The following HOXA2 variants were observed in gnomAD, a reference collection of about 807,000 sequenced individuals.
HOXA2 encodes homeobox protein Hox-A2.
A neutral mutation model predicts 27.2 loss-of-function variants in HOXA2; 4 were observed. The ratio of observed to expected loss-of-function variants is 0.15; its 90% CI spans 0.07 to 0.34. HOXA2 has a LOEUF of 0.34. HOXA2 is among the 10% of genes least tolerant of loss of function. The pLI is 1.00. For missense variants in HOXA2, 430 were observed against 473.2 expected (o/e 0.91, Z 0.85); for synonymous variants, 200 against 202.8 (o/e 0.99, Z 0.12).
rs1783947544 is a variant in HOXA2, at chr7:27,102,527, G to T, written c.-27C>A. 6.2e-7 allele frequency: 1 copy of T among 1,611,152 alleles called. No individual in the cohort carries two copies. Among genetic ancestry groups the T allele is most frequent in the Admixed American group, 1.7e-5 (1 of 60,002 alleles). The stretch of plus-strand genomic sequence containing the variant: ...GCCTTCTCCTTGGAGCCCCCTCAGA[G>T]AAAAAGTTCCCTCTTTTGGAGGGGC... On this transcript the variant is annotated 5_prime_UTR_variant, in exon 1 of 2. Transcript: ENST00000222718. The surrounding 1 kb of genome is among the most constrained non-coding windows in gnomAD (Gnocchi z 4.6).
Position 27,101,165 on chromosome 7 carries a change from G to A in HOXA2, c.692C>T (p.Thr231Met), listed in dbSNP as rs991740115. Residue 231 changes from threonine (T) to methionine (M), a missense_variant, in exon 2 of 2, where the codon ACG (threonine) becomes ATG (methionine). This residue lies in a region of HOXA2 where 236 missense variants were observed against 208.5 expected (regional missense o/e 1.13). Transcript: ENST00000222718. ...EKVEEDEEEK[T>M]LFEQALSVSG... is the part of the protein sequence containing the mutation. ...GACGCTAAGGGCTTGCTCAAAGAGC[G>A]TCTTCTCTTCCTCGTCCTCCTCTAC... 6.8e-6 allele frequency: 11 copies of A among 1,614,026 alleles called. No homozygotes were observed. Among genetic ancestry groups the A allele is most frequent in the Admixed American group, 1.7e-5 (1 of 60,004 alleles).
chr7:27,102,507 C>T lies in HOXA2; in HGVS notation c.-7G>A, dbSNP rs780961239. The T allele has an allele frequency of 1.2e-6, 2 of 1,613,214 alleles. No individual in the cohort carries two copies. The highest frequency in any genetic ancestry group is 1.1e-5 in the South Asian group (1 of 91,084). Reference sequence around the variant, plus strand: ...GCTCAAATTCGTAATTCATGGCCTTCTCCTTGGAGCCCCCTCAGAGAAAAA... The same window carrying T: ...GCTCAAATTCGTAATTCATGGCCTTTTCCTTGGAGCCCCCTCAGAGAAAAA... On this transcript the variant is annotated 5_prime_UTR_variant, in exon 1 of 2. Coordinates refer to ENST00000222718, the MANE Select transcript of HOXA2 (RefSeq NM_006735.4). This position sits in a 1 kb window ranked among gnomAD's most constrained non-coding sequence, Gnocchi z 4.6.
chr7:27,100,982 G>A lies in HOXA2; in HGVS notation c.875C>T (p.Pro292Leu). ...KNLKHFQHQS[P>L]TVPNCLSTMG... Reference sequence around the variant, plus strand: ...TGTTGACAAGCAGTTGGGAACAGTGGGTGACTGGTGCTGAAAATGTTTCAG... The same window carrying A: ...TGTTGACAAGCAGTTGGGAACAGTGAGTGACTGGTGCTGAAAATGTTTCAG... The change falls in exon 2 of 2, where the codon CCC (proline) becomes CTC (leucine). Residue 292 changes from proline to leucine, a missense_variant. Around this residue, in one of 4 missense-constraint regions of HOXA2, gnomAD observed 236 missense variants for 208.5 expected, o/e 1.13. Transcript: ENST00000222718. The A allele has an allele frequency of 1.9e-6, 3 of 1,614,206 alleles. No homozygotes were observed. The highest frequency in any genetic ancestry group is 2.5e-6 in the Non-Finnish European group (3 of 1,180,038).
chr7:27,100,657 TAAA>T lies in HOXA2; in HGVS notation c.*66_*68del, dbSNP rs1322472966. ...AGAAAATAAAAAATAAACTCCCAAA[TAAA>T]AGAAGGCAAAACCACCTGGTCAAAG... On this transcript the variant is annotated 3_prime_UTR_variant, in exon 2 of 2. Transcript: ENST00000222718. The T allele has an allele frequency of 6.4e-7, 1 of 1,556,542 alleles. No homozygotes were observed. Among genetic ancestry groups the T allele is most frequent in the African/African-American group, 1.4e-5 (1 of 73,236 alleles).
chr7:27,102,114 G>A lies in HOXA2; in HGVS notation c.387C>T (p.His129=). The change falls in exon 1 of 2, where the codon CAC becomes CAT. Residue 129 remains histidine (H), a synonymous_variant. Transcript: ENST00000222718. This position sits in a 1 kb window ranked among gnomAD's most constrained non-coding sequence, Gnocchi z 4.6. The part of the protein sequence containing the change: ...AAATGPACLS[H]KESLEIADGS... ...GGGCCAAGTCTTTGGACTGACCTTT[G>A]TGGCTGAGGCAAGCAGGGCCGGTGG... 1.9e-6 allele frequency: 3 copies of A among 1,606,352 alleles called. No homozygotes were observed. The highest frequency in any genetic ancestry group is 2.5e-6 in the Non-Finnish European group (3 of 1,177,180).
chr7:27,101,496 C>G (rs1783925672), intron 1 of HOXA2, 31 bp from the exon 2 acceptor site: 1 of 1,598,432 alleles, frequency 6.3e-7, no homozygotes, highest in South Asian at 1.1e-5. Context: ...AAGAGACACA[C>G]GCACAGTTGG....
chr7:27,100,676 CT>C lies in HOXA2; in HGVS notation c.*49del, dbSNP rs768069349. On this transcript the variant is annotated 3_prime_UTR_variant, in exon 2 of 2. Transcript: ENST00000222718. ...CCCAAATAAAAGAAGGCAAAACCAC[CT>C]GGTCAAAGGAGTTTTTGTTTGGTGA... The C allele has an allele frequency of 2.5e-6, 4 of 1,606,490 alleles. No individual in the cohort carries two copies. In the South Asian group the frequency reaches 3.3e-5, roughly 13 times the overall value.
Position 27,102,251 on chromosome 7 carries a change from G to A in HOXA2, c.250C>T (p.Pro84Ser). 6.7e-7 allele frequency: 1 copy of A among 1,500,696 alleles called. No homozygotes were observed. 93.0% of individuals were successfully genotyped at this position (1,500,696 alleles called of 1,614,324 possible). A position where few individuals can be genotyped will look rare whatever the true frequency, so the allele number is the denominator to read the frequency against. Residue 84 changes from proline to serine, a missense_variant, in exon 1 of 2, where the codon CCG becomes TCG. This residue lies in a region of HOXA2 where 166 missense variants were observed against 207.6 expected (regional missense o/e 0.80). Coordinates refer to ENST00000222718, the MANE Select transcript of HOXA2 (RefSeq NM_006735.4). The surrounding 1 kb of genome is among the most constrained non-coding windows in gnomAD (Gnocchi z 4.6). ...GGCTGCAGGGCGCCGGCGGGCACCGGGCTGCCGCGGCTGCCCGCGGGGCTC... is the reference window on the plus strand; with the variant it reads ...GGCTGCAGGGCGCCGGCGGGCACCGAGCTGCCGCGGCTGCCCGCGGGGCTC... ...KPSPAGSRGS[P>S]VPAGALQPPE...
Position 27,100,937 on chromosome 7 carries a change from G to C in HOXA2, c.920C>G (p.Ala307Gly), listed in dbSNP as rs1783915096. ...CTCAGGACTGTCATTGTTTAGGCCA[G>C]CTCCACAGTTCTGGCCCATTGTTGA... Reference protein sequence around the residue: ...CLSTMGQNCGAGLNNDSPEAL... With the variant: ...CLSTMGQNCGGGLNNDSPEAL... Residue 307 changes from alanine (A) to glycine (G), a missense_variant, in exon 2 of 2, where the codon GCT becomes GGT. By Grantham distance (60) the Ala-to-Gly change is moderately conservative (BLOSUM62 0). Coordinates refer to ENST00000222718, the MANE Select transcript of HOXA2 (RefSeq NM_006735.4). 2 of 1,614,088 alleles carry C rather than the reference G, an allele frequency of 1.2e-6. No homozygotes were observed. Among genetic ancestry groups the C allele is most frequent in the Admixed American group, 1.7e-5 (1 of 60,012 alleles).
chr7:27,102,413 C>T lies in HOXA2; in HGVS notation c.88G>A (p.Asp30Asn), dbSNP rs1391121068. Reference sequence around the variant, plus strand: ...TTGATTGATGAACTTTGAAATGTATCAGCGACAGGGGGAAAAGATGTCAGG... The same window carrying T: ...TTGATTGATGAACTTTGAAATGTATTAGCGACAGGGGGAAAAGATGTCAGG... The part of the protein sequence containing the change: ...ECLTSFPPVA[D>N]TFQSSSIKTS... The change falls in exon 1 of 2, where the codon GAT (aspartate) becomes AAT (asparagine). Residue 30 changes from aspartate (D) to asparagine (N), a missense_variant. Asp to Asn is a conservative substitution (Grantham distance 23). This residue lies in a region of HOXA2 where 166 missense variants were observed against 207.6 expected (regional missense o/e 0.80). Transcript: ENST00000222718. The surrounding 1 kb of genome is among the most constrained non-coding windows in gnomAD (Gnocchi z 4.6). 1.9e-6 allele frequency: 3 copies of T among 1,614,140 alleles called. No individual in the cohort carries two copies. In the South Asian group the frequency reaches 3.3e-5, roughly 18 times the overall value.
In HOXA2 at chr7:27,102,050, CG is replaced by C; in HGVS notation, c.391+59del. 6.3e-7 allele frequency: 1 copy of C among 1,595,902 alleles called. No homozygotes were observed. The highest frequency in any genetic ancestry group is 8.5e-7 in the Non-Finnish European group (1 of 1,173,600). On this transcript the variant is annotated intron_variant, in intron 1 of 1. Coordinates refer to ENST00000222718, the MANE Select transcript of HOXA2 (RefSeq NM_006735.4). This position sits in a 1 kb window ranked among gnomAD's most constrained non-coding sequence, Gnocchi z 4.6. Reference sequence around the variant, plus strand: ...TCTCCCCTCCCCCCACAGCCACTCTCGGGGCAGCCCGGAGAAGGAAGAGGGT... The same window carrying C: ...TCTCCCCTCCCCCCACAGCCACTCTCGGGCAGCCCGGAGAAGGAAGAGGGT...
At position 27,102,290 on chromosome 7, in the gene HOXA2, C is replaced by G; in HGVS notation, c.211G>C (p.Gly71Arg). Reference protein sequence around the residue: ...PGSHPRHGAGGRPKPSPAGSR... With the variant: ...PGSHPRHGAGRRPKPSPAGSR... ...CCCGCGGGGCTCGGCTTGGGGCGGC[C>G]GCCAGCGCCGTGGCGAGGGTGACTG... Residue 71 changes from glycine to arginine, a missense_variant, in exon 1 of 2, where the codon GGC (glycine) becomes CGC (arginine). Physicochemically the swap from Gly to Arg is moderately radical, Grantham distance 125. This residue lies in a region of HOXA2 where 166 missense variants were observed against 207.6 expected (regional missense o/e 0.80). Coordinates refer to ENST00000222718, the MANE Select transcript of HOXA2 (RefSeq NM_006735.4). The surrounding 1 kb of genome is among the most constrained non-coding windows in gnomAD (Gnocchi z 4.6). 3 of 1,604,036 alleles carry G rather than the reference C, an allele frequency of 1.9e-6. No individual in the cohort carries two copies. Among genetic ancestry groups the G allele is most frequent in the Non-Finnish European group, 2.6e-6 (3 of 1,175,198 alleles).
At chr7:27,101,914 T>C (rs1783934088) in intron 1 of HOXA2, 196 bp downstream of exon 1, 1 of 774,554 alleles carries the variant, frequency 1.3e-6, no homozygotes, top group Non-Finnish European at 2.2e-6. Context: ...ATATGTCTCA[T>C]TGTAGAGCGC....
intron 1 of HOXA2, chr7:27,101,900 A>G: frequency 1.3e-6 from 1 of 758,366 alleles, no homozygotes; most frequent in South Asian, 1.5e-5. Context: ...CTTCCTAAAA[A>G]TATATATGTC....
Position 27,101,336 on chromosome 7 carries a change from A to G in HOXA2, c.521T>C (p.Val174Ala), listed in dbSNP as rs776638973. 1 of 1,612,754 alleles carries G rather than the reference A, an allele frequency of 6.2e-7. No homozygotes were observed. Among genetic ancestry groups the G allele is most frequent in the Non-Finnish European group, 8.5e-7 (1 of 1,179,704 alleles). Residue 174 changes from valine (V) to alanine (A), a missense_variant, in exon 2 of 2, where the codon GTG becomes GCG. Around this residue, in one of 4 missense-constraint regions of HOXA2, gnomAD observed 26 missense variants for 41.0 expected, o/e 0.63. Coordinates refer to ENST00000222718, the MANE Select transcript of HOXA2 (RefSeq NM_006735.4). ...FNKYLCRPRR[V>A]EIAALLDLTE... ...CAAATCCAGCAGCGCTGCAATCTCC[A>G]CCCTTCGGGGTCTGCAAAGGTACTT... is the stretch of plus-strand genomic sequence containing the variant.
rs1783920667 is a variant in HOXA2, at chr7:27,101,209, G to T, written c.648C>A (p.Ser216Arg). The T allele has an allele frequency of 6.2e-6, 10 of 1,614,010 alleles. No individual in the cohort carries two copies. The East Asian group carries it at 1.6e-4, about 25-fold the overall frequency. ...CCTCTACTTTCTCGGAGTCCTCAAGGCTTTTACATTTCCCTTCGCTGTTTT... is the reference window on the plus strand; with the variant it reads ...CCTCTACTTTCTCGGAGTCCTCAAGTCTTTTACATTTCCCTTCGCTGTTTT... ...ENQNSEGKCKSLEDSEKVEED... is the reference protein window; with the variant it reads ...ENQNSEGKCKRLEDSEKVEED... Residue 216 changes from serine (S) to arginine (R), a missense_variant, in exon 2 of 2, where the codon AGC becomes AGA. By Grantham distance (110) the Ser-to-Arg change is moderately radical. This residue lies in a region of HOXA2 where 236 missense variants were observed against 208.5 expected (regional missense o/e 1.13). Transcript: ENST00000222718.
Position 27,101,303 on chromosome 7 carries a change from C to T in HOXA2, c.554G>A (p.Arg185Lys), listed in dbSNP as rs748564970. Residue 185 changes from arginine to lysine, a missense_variant, in exon 2 of 2, where the codon AGA becomes AAA. Arg to Lys is a conservative substitution (Grantham distance 26). Coordinates refer to ENST00000222718, the MANE Select transcript of HOXA2 (RefSeq NM_006735.4). ...EIAALLDLTERQVKVWFQNRR... is the reference protein window; with the variant it reads ...EIAALLDLTEKQVKVWFQNRR... The stretch of plus-strand genomic sequence containing the variant: ...GTTCTGAAACCACACTTTCACTTGT[C>T]TCTCAGTCAAATCCAGCAGCGCTGC... 2 of 1,614,210 alleles carry T rather than the reference C, an allele frequency of 1.2e-6. No individual in the cohort carries two copies. The highest frequency in any genetic ancestry group is 1.7e-6 in the Non-Finnish European group (2 of 1,180,044).
In HOXA2 at chr7:27,100,641, AAAAT is replaced by A; in HGVS notation, c.*81_*84del. On this transcript the variant is annotated 3_prime_UTR_variant, in exon 2 of 2. Coordinates refer to ENST00000222718, the MANE Select transcript of HOXA2 (RefSeq NM_006735.4). ...AAGGGGTAGGTCAAGAAGAAAATAAAAAATAAACTCCCAAATAAAAGAAGGCAAA... is the reference window on the plus strand; with the variant it reads ...AAGGGGTAGGTCAAGAAGAAAATAAAAAACTCCCAAATAAAAGAAGGCAAA... 8 of 1,478,668 alleles carry A rather than the reference AAAAT, an allele frequency of 5.4e-6. No individual in the cohort carries two copies. The highest frequency in any genetic ancestry group is 1.2e-5 in the South Asian group (1 of 86,002). 91.6% of individuals were successfully genotyped at this position (1,478,668 alleles called of 1,614,324 possible). A position where few individuals can be genotyped will look rare whatever the true frequency, so the allele number is the denominator to read the frequency against.
chr7:27,102,433 G>T lies in HOXA2; in HGVS notation c.68C>A (p.Thr23Lys). The change falls in exon 1 of 2, where the codon ACA (threonine) becomes AAA (lysine). Residue 23 changes from threonine (T) to lysine (K), a missense_variant. Transcript: ENST00000222718. The surrounding 1 kb of genome is among the most constrained non-coding windows in gnomAD (Gnocchi z 4.6). ...NSQPSLAECL[T>K]SFPPVADTFQ... ...TGTATCAGCGACAGGGGGAAAAGAT[G>T]TCAGGCACTCAGCGAGCGACGGCTG... 1 of 1,614,130 alleles carries T rather than the reference G, an allele frequency of 6.2e-7. No individual in the cohort carries two copies. Among genetic ancestry groups the T allele is most frequent in the Non-Finnish European group, 8.5e-7 (1 of 1,179,970 alleles).
Sources: allele counts gnomAD v4.1 joint callset, GRCh38; gene constraint gnomAD v4.1.1; regional missense constraint gnomAD v4.1.1; non-coding constraint Gnocchi (gnomAD v3.1); transcripts MANE v1.5; gene names NCBI Gene and HGNC (gene_info 2026-07-23, HGNC 2026-07-21).